The following TRIM15 variants were observed in gnomAD, a reference collection of about 807,000 sequenced individuals.
TRIM15 encodes E3 ubiquitin-protein ligase TRIM15.
Under a neutral mutation model 35.8 loss-of-function variants are expected in TRIM15, and 35 were observed. That is an observed-to-expected ratio of 0.98 (90% CI 0.75 to 1.30). TRIM15 has a LOEUF of 1.30. TRIM15 is among the 50% of genes most tolerant of loss of function. The pLI, the probability that TRIM15 is intolerant of heterozygous loss-of-function variation, is 0.00. For synonymous variants in TRIM15, 252 were observed against 249.8 expected, an observed-to-expected ratio of 1.01 and a Z score of -0.08; for missense variants, 590 against 593.5, an observed-to-expected ratio of 0.99 and a Z score of 0.06.
chr6:30,170,135 C>T (rs774020535), intron 4 of TRIM15, among the ~76,000 whole-genome samples: 1 of 151,790 alleles, frequency 6.6e-6, no homozygotes, highest in Admixed American at 6.6e-5. Flanking sequence ...GCCTCTTTTC[C>T]TTTACAAATA....
chr6:30,166,594 A>G (rs548040931), intron 1 of TRIM15, among the ~76,000 whole-genome samples: 1 of 152,112 alleles, frequency 6.6e-6, no homozygotes, highest in Non-Finnish European at 1.5e-5. Context: ...TGGGCTCTTT[A>G]TTGGTTCCAT....
At chr6:30,170,126 C>T (rs1368368566) in intron 4 of TRIM15, among the ~76,000 whole-genome samples, 1 of 151,912 alleles carries the variant, frequency 6.6e-6, no homozygotes, top group Non-Finnish European at 1.5e-5. Context: ...TCCCTTCTAG[C>T]CTCTTTTCCT....
Position 30,170,857 on chromosome 6 carries a change from C to T in TRIM15, c.848-119C>T, listed in dbSNP as rs1773963654. ...AGGACCCTTCTCCTCCACTAGACCA[C>T]AGCAGAAGCCGAGTCTTCTGTCCTC... On this transcript the variant is annotated intron_variant, in intron 5 of 6. Coordinates refer to ENST00000376694, the MANE Select transcript of TRIM15 (RefSeq NM_033229.3). The T allele has an allele frequency of 3.3e-6, 4 of 1,209,666 alleles. No individual in the cohort carries two copies. In the African/African-American group the frequency reaches 6.1e-5, roughly 18 times the overall value. The allele number at this position is 1,209,666 out of a possible 1,614,324, so 74.9% of individuals were successfully genotyped here. A position where few individuals can be genotyped will look rare whatever the true frequency, so the allele number is the denominator to read the frequency against.
Position 30,172,411 on chromosome 6 carries a change from C to G in TRIM15, c.*62C>G. ...GGCTCTCCGGGATCCAGCTCCGCCC[C>G]TGGCCAGTGTGCGGCCCGGGGGCTC... On this transcript the variant is annotated 3_prime_UTR_variant, in exon 7 of 7. Transcript: ENST00000376694. 1 of 1,538,630 alleles carries G rather than the reference C, an allele frequency of 6.5e-7. No homozygotes were observed. The highest frequency in any genetic ancestry group is 8.7e-7 in the Non-Finnish European group (1 of 1,148,294).
intron 1 of TRIM15, 69 bp downstream of exon 1, chr6:30,164,134 C>T: frequency 6.5e-7 from 1 of 1,537,142 alleles, no homozygotes; most frequent in East Asian, 2.3e-5. Flanking sequence ...GGGAGGAAAT[C>T]GGGCGGGGAT....
intron 6 of TRIM15, 38 bp from the exon 7 acceptor site, chr6:30,171,794 G>A: frequency 6.8e-7 from 1 of 1,472,982 alleles, no homozygotes; most frequent in Non-Finnish European, 9.0e-7. Context: ...ATCTGTGGTT[G>A]CCGCCCGCTG....
intron 5 of TRIM15, 105 bp from the exon 6 acceptor site, chr6:30,170,871 T>G: frequency 7.6e-7 from 1 of 1,309,018 alleles, no homozygotes; most frequent in Non-Finnish European, 1.1e-6. Flanking sequence ...AGAAGCCGAG[T>G]CTTCTGTCCT....
chr6:30,168,596 T>C, intron 3 of TRIM15, 66 bp downstream of exon 3: 2 of 1,441,280 alleles, frequency 1.4e-6, no homozygotes. Context: ...GTGGGCACCA[T>C]GCTTTGGGCT....
Position 30,172,255 on chromosome 6 carries a change from A to C in TRIM15, c.1304A>C (p.Glu435Ala). Residue 435 changes from glutamate to alanine, a missense_variant, in exon 7 of 7, where the codon GAG becomes GCG. Physicochemically the swap from Glu to Ala is moderately radical, Grantham distance 107. Transcript: ENST00000376694. The stretch of plus-strand genomic sequence containing the variant: ...ACCCTCCACAACGCCCAGACCCAGG[A>C]GCCCATCTTCACCTTCACTGCCTCT... ...QVTLHNAQTQEPIFTFTASFS... is the reference protein window; with the variant it reads ...QVTLHNAQTQAPIFTFTASFS... 6.2e-7 allele frequency: 1 copy of C among 1,612,870 alleles called. No homozygotes were observed. Among genetic ancestry groups the C allele is most frequent in the Non-Finnish European group, 8.5e-7 (1 of 1,179,934 alleles).
intron 4 of TRIM15, chr6:30,169,828 G>T: frequency 3.6e-6 from 1 of 280,062 alleles, no homozygotes; most frequent in Non-Finnish European, 7.0e-6. Context: ...GAAGAGAGGT[G>T]TAGTGACTAG....
At position 30,164,065 on chromosome 6, in the gene TRIM15, G is replaced by C. The variant is rs1235367323; in HGVS notation, c.381G>C (p.Arg127=). ...TGGACGAGGCCATTCAGCCCTACCGGGTAAGAAGTGTAGCTTTACCTAGGG... is the reference window on the plus strand; with the variant it reads ...TGGACGAGGCCATTCAGCCCTACCGCGTAAGAAGTGTAGCTTTACCTAGGG... The part of the protein sequence containing the change: ...GFLDEAIQPY[R]DRLRSRLEAL... The change falls in exon 1 of 7, where the codon CGG becomes CGC. Residue 127 remains arginine (R), a splice_region_variant and synonymous_variant. Transcript: ENST00000376694. 13 of 1,608,918 alleles carry C rather than the reference G, an allele frequency of 8.1e-6. No individual in the cohort carries two copies. The highest frequency in any genetic ancestry group is 1.1e-5 in the Non-Finnish European group (13 of 1,177,424).
In TRIM15 at chr6:30,172,491, T is replaced by G. The variant is rs982092575; in HGVS notation, c.*142T>G. On this transcript the variant is annotated 3_prime_UTR_variant, in exon 7 of 7. Transcript: ENST00000376694. The stretch of plus-strand genomic sequence containing the variant: ...GGACTTGAGTCTCGAACAGCGGTTG[T>G]TTTTACTTTATTTATCTTAGGCCCT... 79 of 1,277,322 alleles carry G rather than the reference T, an allele frequency of 6.2e-5. No homozygotes were observed. The highest frequency in any genetic ancestry group is 8.4e-5 in the Non-Finnish European group (77 of 921,146). 79.1% of individuals were successfully genotyped at this position (1,277,322 alleles called of 1,614,324 possible). A position where few individuals can be genotyped will look rare whatever the true frequency, so the allele number is the denominator to read the frequency against.
chr6:30,169,844 A>T (rs1773885427), intron 4 of TRIM15: 1 of 251,762 alleles, frequency 4.0e-6, no homozygotes, highest in Admixed American at 5.2e-5. Context: ...ACTAGGGAAC[A>T]ATTGTCACGT....
In TRIM15 at chr6:30,172,107, G is replaced by A; in HGVS notation, c.1156G>A (p.Val386Ile). 6.3e-7 allele frequency: 1 copy of A among 1,578,370 alleles called. No homozygotes were observed. The highest frequency in any genetic ancestry group is 8.6e-7 in the Non-Finnish European group (1 of 1,162,562). ...GATGGGACTCAGCGCCGAGGACGGC[G>A]TCTGGGCCGTGATCATCTCGCACCA... ...GEMGLSAEDG[V>I]WAVIISHQQC... Residue 386 changes from valine (V) to isoleucine (I), a missense_variant, in exon 7 of 7, where the codon GTC becomes ATC. By Grantham distance (29) the Val-to-Ile change is conservative (BLOSUM62 3). Coordinates refer to ENST00000376694, the MANE Select transcript of TRIM15 (RefSeq NM_033229.3).
Position 30,163,819 on chromosome 6 carries a change from G to T in TRIM15, c.135G>T (p.Gln45His). ...GGCTCTGCCTCCCCGCGCTCTCCCA[G>T]ATGGGGGCCCAATCCTCGGGCAAGA... is the stretch of plus-strand genomic sequence containing the variant. Reference protein sequence around the residue: ...FCRLCLPALSQMGAQSSGKIL... With the variant: ...FCRLCLPALSHMGAQSSGKIL... The change falls in exon 1 of 7, where the codon CAG (glutamine) becomes CAT (histidine). Residue 45 changes from glutamine (Q) to histidine (H), a missense_variant. Coordinates refer to ENST00000376694, the MANE Select transcript of TRIM15 (RefSeq NM_033229.3). 6.2e-7 allele frequency: 1 copy of T among 1,613,044 alleles called. No individual in the cohort carries two copies. The highest frequency in any genetic ancestry group is 8.5e-7 in the Non-Finnish European group (1 of 1,180,028).
Position 30,163,554 on chromosome 6 carries a change from T to TCTTTCTCTCTCTCTGTCTTTC in TRIM15, c.-131_-130insCTTTCTCTCTCTCTGTCTTTC. 5 of 1,136,868 alleles carry TCTTTCTCTCTCTCTGTCTTTC rather than the reference T, an allele frequency of 4.4e-6. No individual in the cohort carries two copies. The South Asian group carries it at 8.7e-5, about 20-fold the overall frequency. 70.4% of individuals were successfully genotyped at this position (1,136,868 alleles called of 1,614,324 possible). ...CTGGCATTCTTGCCTCTCTCTCTCT[T>TCTTTCTCTCTCTCTGTCTTTC]TCTCTCTCTCTGTCTCTTAGCCTTG... On this transcript the variant is annotated 5_prime_UTR_variant, in exon 1 of 7. Coordinates refer to ENST00000376694, the MANE Select transcript of TRIM15 (RefSeq NM_033229.3).
chr6:30,167,592 T>C (rs1053244405), intron 2 of TRIM15, among the ~76,000 whole-genome samples: 3 of 152,214 alleles, frequency 2.0e-5, no homozygotes, highest in African/African-American at 7.2e-5. Flanking sequence ...CTTAATTCAT[T>C]GTTCTTTCCA....
At chr6:30,164,198 G>A (rs935368947) in intron 1 of TRIM15, 133 bp downstream of exon 1, 23 of 1,324,716 alleles carry the variant, frequency 1.7e-5, no homozygotes, top group Non-Finnish European at 2.1e-5. Context: ...GACTTTCGAG[G>A]CATTCCCAGA....
intron 1 of TRIM15, 65 bp from the exon 2 acceptor site, chr6:30,167,111 A>C: frequency 7.1e-7 from 1 of 1,412,056 alleles, no homozygotes; most frequent in Non-Finnish European, 1.0e-6. Context: ...AGGATGTGAT[A>C]GTTAATAATT....
Sources: gnomAD v4.1 joint callset for allele counts (sites outside exome capture counted in the v4.1 genomes callset) on GRCh38, gnomAD v4.1.1 for gene constraint, MANE v1.5 for transcripts, NCBI Gene and HGNC (gene_info 2026-07-23, HGNC 2026-07-21) for gene names.